Variants in TMEM135 observed in about 807,000 individuals in gnomAD.
TMEM135 encodes peroxisomal membrane protein 52.
Under a neutral mutation model 60.3 loss-of-function variants are expected in TMEM135, and 30 were observed. The ratio of observed to expected loss-of-function variants is 0.50; its 90% CI spans 0.37 to 0.68. The LOEUF is 0.68. TMEM135 is among the 30% of genes least tolerant of loss of function. The pLI, the probability that TMEM135 is intolerant of heterozygous loss-of-function variation, is 0.00. For synonymous variants in TMEM135, 190 were observed against 186.7 expected (o/e 1.02, Z -0.14); for missense variants, 468 against 548.8 (o/e 0.85, Z 1.47).
intron 3 of TMEM135, among the ~76,000 whole-genome samples, chr11:87,082,792 CATATT>C (rs1210841079): frequency 6.6e-6 from 1 of 152,120 alleles, no homozygotes; most frequent in Non-Finnish European, 1.5e-5. Context: ...GTAGAAGAAA[CATATT>C]GTGATGACTA....
chr11:87,239,750 A>C (rs1295889299), intron 6 of TMEM135, among the ~76,000 whole-genome samples: 6 of 77,920 alleles, frequency 7.7e-5, no homozygotes, highest in East Asian at 7.2e-4. Flanking sequence ...AAAATATGCC[A>C]GTTTTTTTTT....
rs140053605 is a variant in TMEM135 at position 87,040,479 on chromosome 11, A to G, written c.141+2293A>G. Among the ~76,000 whole-genome samples the G allele has an allele frequency of 2.7e-3, 411 of 152,332 alleles. 3 individuals carry two copies. Among genetic ancestry groups the G allele is most frequent in the African/African-American group, 9.6e-3 (397 of 41,568 alleles). Reference sequence around the variant, plus strand: ...TTCGAGACCAGCCAGCTTGACCAACATGGTGAAACCCCATCTCTACGAAAA... The same window carrying G: ...TTCGAGACCAGCCAGCTTGACCAACGTGGTGAAACCCCATCTCTACGAAAA... On this transcript the variant is annotated intron_variant, in intron 1 of 14. Transcript: ENST00000305494.
intron 1 of TMEM135, among the ~76,000 whole-genome samples, chr11:87,066,440 C>G (rs987243056): frequency 1.2e-4 from 18 of 152,022 alleles, no homozygotes; most frequent in Non-Finnish European, 1.6e-4. Context: ...ATCTATATAT[C>G]TTGCACATAT....
chr11:87,044,740 T>G (rs1287678201), intron 1 of TMEM135, among the ~76,000 whole-genome samples: 1 of 152,156 alleles, frequency 6.6e-6, no homozygotes, highest in East Asian at 1.9e-4. Context: ...AAGTTCCACC[T>G]CCTGGGGTCA....
intron 5 of TMEM135, among the ~76,000 whole-genome samples, chr11:87,194,158 C>T (rs980557728): frequency 6.6e-6 from 1 of 151,934 alleles, no homozygotes; most frequent in Non-Finnish European, 1.5e-5. Context: ...AACTGTGGCT[C>T]CACACAAAAG....
At chr11:87,223,231 C>A (rs954221584) in intron 5 of TMEM135, among the ~76,000 whole-genome samples, 2 of 147,730 alleles carry the variant, frequency 1.4e-5, no homozygotes, top group African/African-American at 2.5e-5. Flanking sequence ...GTGGCGCGAT[C>A]TCGGCTCACT....
chr11:87,055,653 C>T (rs899206188), intron 1 of TMEM135, among the ~76,000 whole-genome samples: 5 of 151,552 alleles, frequency 3.3e-5, no homozygotes, highest in Admixed American at 6.6e-5. Context: ...TGCAATAGCA[C>T]GATCTCGGCT....
intron 5 of TMEM135, among the ~76,000 whole-genome samples, chr11:87,205,817 TTC>T (rs1394926520): frequency 6.6e-6 from 1 of 152,170 alleles, no homozygotes; most frequent in Admixed American, 6.5e-5. Context: ...CTGTGCCACA[TTC>T]TCTGCCTCTC....
rs1262282645 is a variant in TMEM135 at position 87,302,225 on chromosome 11, CAA to C, written c.552-69_552-68del. The C allele has an allele frequency of 9.9e-6, 15 of 1,509,920 alleles. No individual in the cohort carries two copies. In the East Asian group the frequency reaches 2.5e-4, roughly 25 times the overall value. The allele number at this position is 1,509,920 out of a possible 1,614,324, so 93.5% of individuals were successfully genotyped here. A position where few individuals can be genotyped will look rare whatever the true frequency, so the allele number is the denominator to read the frequency against. The stretch of plus-strand genomic sequence containing the variant: ...TTGCCAAAGCGTATTTGTTTATAAA[CAA>C]AGTCTTTTTTTTTTCCTCATTGACT... On this transcript the variant is annotated intron_variant, in intron 7 of 14. Coordinates refer to ENST00000305494, the MANE Select transcript of TMEM135 (RefSeq NM_022918.4).
At chr11:87,215,625 T>A (rs1940483285) in intron 5 of TMEM135, among the ~76,000 whole-genome samples, 1 of 152,180 alleles carries the variant, frequency 6.6e-6, no homozygotes, top group Non-Finnish European at 1.5e-5. Context: ...TTTTGCCATA[T>A]TCTGTTGGTC....
chr11:87,307,044 C>G (rs116783875), intron 9 of TMEM135, among the ~76,000 whole-genome samples: 5,311 of 152,130 alleles, frequency 0.035, 93 homozygotes, highest in Admixed American at 0.046. Flanking sequence ...GAATGGTGCT[C>G]TAACAGTTCC....
intron 5 of TMEM135, among the ~76,000 whole-genome samples, chr11:87,163,671 C>G (rs995705535): frequency 6.6e-6 from 1 of 151,036 alleles, no homozygotes; most frequent in African/African-American, 2.4e-5. Flanking sequence ...AAAAGTGTTC[C>G]TATTTCTCCA....
chr11:87,280,334 T>C (rs534203249), intron 6 of TMEM135, among the ~76,000 whole-genome samples: 1 of 152,346 alleles, frequency 6.6e-6, no homozygotes, highest in African/African-American at 2.4e-5. Context: ...GGTCTGGTTA[T>C]GTCATTCCTC....
chr11:87,108,490 A>T (rs934739814), intron 4 of TMEM135, among the ~76,000 whole-genome samples: 12 of 151,418 alleles, frequency 7.9e-5, no homozygotes, highest in South Asian at 2.1e-4. Context: ...AATTTTATTT[A>T]AAAAAACTCT....
intron 6 of TMEM135, among the ~76,000 whole-genome samples, chr11:87,291,869 C>T (rs1330703766): frequency 6.6e-6 from 1 of 152,072 alleles, no homozygotes. Context: ...AAATTTAAGA[C>T]AGATCTTGCC....
intron 4 of TMEM135, among the ~76,000 whole-genome samples, chr11:87,097,793 G>C (rs1857364412): frequency 6.6e-6 from 1 of 152,146 alleles, no homozygotes; most frequent in African/African-American, 2.4e-5. Context: ...TGCATGGCTT[G>C]CTGTTTCATT....
At chr11:87,135,370 T>C (rs1938060384) in intron 4 of TMEM135, among the ~76,000 whole-genome samples, 1 of 152,122 alleles carries the variant, frequency 6.6e-6, no homozygotes, top group South Asian at 2.1e-4. Flanking sequence ...TACGTTTAAC[T>C]CTATGATACA....
At chr11:87,233,996 CTT>C (rs1163686634) in intron 5 of TMEM135, among the ~76,000 whole-genome samples, 1 of 152,008 alleles carries the variant, frequency 6.6e-6, no homozygotes, top group Non-Finnish European at 1.5e-5. Context: ...GTTTTAAAAA[CTT>C]TTTAAAAACT....
rs1187690973 is a variant in TMEM135 at position 87,328,807 on chromosome 11, A to AAT, written c.*7482_*7483dup. On this transcript the variant is annotated 3_prime_UTR_variant, in exon 15 of 15. Coordinates refer to ENST00000305494, the MANE Select transcript of TMEM135 (RefSeq NM_022918.4). ...AATTGTGAACTGTGTTAACAATAAA[A>AAT]ATATATATACGAGTGTCTTTTATGG... 6.6e-6 allele frequency: 3 copies of AAT among 453,998 alleles called. No homozygotes were observed. The highest frequency in any genetic ancestry group is 4.7e-5 in the Admixed American group (2 of 42,554). The allele number at this position is 453,998 out of a possible 1,614,324, so 28.1% of individuals were successfully genotyped here.
Sources: allele counts gnomAD v4.1 joint callset (sites outside exome capture counted in the v4.1 genomes callset), GRCh38; gene constraint gnomAD v4.1.1; transcripts MANE v1.5; gene names NCBI Gene and HGNC (gene_info 2026-07-23, HGNC 2026-07-21).